VTI1A: variants seen among roughly 807,000 people sequenced by gnomAD.
VTI1A encodes vesicle transport through interaction with t-SNAREs 1A.
In VTI1A, 22 loss-of-function variants were observed where a neutral mutation model predicts 34.9. The ratio of observed to expected loss-of-function variants is 0.63; its 90% CI spans 0.45 to 0.90. VTI1A has a LOEUF of 0.90. Among genes scored for constraint, VTI1A ranks in the 40% least tolerant of loss-of-function variants. The pLI is 0.00. For synonymous variants in VTI1A, 87 were observed against 97.3 expected (o/e 0.89, Z 0.62); for missense variants, 268 against 275.6 (o/e 0.97, Z 0.20).
At chr10:112,827,261 C>T in the VTI1A span, 2 of 151,916 alleles carry the variant, frequency 1.3e-5, no homozygotes, top group Non-Finnish European at 2.9e-5. Context: ...GCTCCTTCCC[C>T]GAGGAATTGC....
At chr10:112,617,480 G>A (rs979563716) in intron 5 of VTI1A, among the ~76,000 whole-genome samples, 16 of 151,972 alleles carry the variant, frequency 1.1e-4, no homozygotes, top group Non-Finnish European at 2.1e-4. Context: ...AAAATTATAA[G>A]ATTTACATTT....
At chr10:112,547,177 G>A (rs1357202802) in intron 5 of VTI1A, among the ~76,000 whole-genome samples, 1 of 152,200 alleles carries the variant, frequency 6.6e-6, no homozygotes, top group East Asian at 1.9e-4. Context: ...CTACTTGGGA[G>A]GCTGAGGTGG....
chr10:112,687,798 C>T (rs1004207704), intron 7 of VTI1A, among the ~76,000 whole-genome samples: 1 of 152,026 alleles, frequency 6.6e-6, no homozygotes, highest in Non-Finnish European at 1.5e-5. Context: ...ATTTCATCAG[C>T]ATGACTAAAG....
chr10:112,812,732 C>T (rs969647510), intron 7 of VTI1A, among the ~76,000 whole-genome samples: 2 of 152,198 alleles, frequency 1.3e-5, no homozygotes, highest in Non-Finnish European at 2.9e-5. Context: ...TCCCAAATGT[C>T]TGCCAGCATT....
chr10:112,816,919 G>A lies in VTI1A; in HGVS notation c.*1536G>A, dbSNP rs1590212921. The A allele has an allele frequency of 4.3e-6, 1 of 230,890 alleles. No homozygotes were observed. Among genetic ancestry groups the A allele is most frequent in the East Asian group, 6.2e-5 (1 of 16,212 alleles). 14.3% of individuals were successfully genotyped at this position (230,890 alleles called of 1,614,324 possible). A position where few individuals can be genotyped will look rare whatever the true frequency, so the allele number is the denominator to read the frequency against. On this transcript the variant is annotated 3_prime_UTR_variant, in exon 8 of 8. Transcript: ENST00000393077. ...TCGAAACAGGCCAAGGCCTGCATGT[G>A]TTCGGATAAATCATTTAGTATTGTG...
At chr10:112,504,454 C>T (rs1234890735) in intron 3 of VTI1A, among the ~76,000 whole-genome samples, 1 of 152,032 alleles carries the variant, frequency 6.6e-6, no homozygotes, top group South Asian at 2.1e-4. Flanking sequence ...CTTTTACAGT[C>T]GATGTTGGAG....
At chr10:112,673,829 C>T (rs1378374977) in intron 7 of VTI1A, among the ~76,000 whole-genome samples, 2 of 152,256 alleles carry the variant, frequency 1.3e-5, no homozygotes, top group African/African-American at 4.8e-5. Context: ...GTAAATAGAC[C>T]AGGAATGCCA....
intron 5 of VTI1A, among the ~76,000 whole-genome samples, chr10:112,588,447 A>T (rs1844248032): frequency 6.6e-6 from 1 of 152,354 alleles, no homozygotes; most frequent in East Asian, 1.9e-4. Context: ...TACTTGTTGA[A>T]TATTTGAAGT....
chr10:112,548,635 C>A, intron 5 of VTI1A: 1 of 1,057,054 alleles, frequency 9.5e-7, no homozygotes, highest in East Asian at 2.4e-5. Context: ...TTCATTTAGC[C>A]TTCTGAGCTT....
At chr10:112,855,210 G>A in the VTI1A span, among the ~76,000 whole-genome samples, 4 of 152,138 alleles carry the variant, frequency 2.6e-5, no homozygotes, top group African/African-American at 9.7e-5. Flanking sequence ...CAGGCCCAAT[G>A]ACCAGAGAAT....
chr10:112,611,416 G>T (rs140700811), intron 5 of VTI1A, among the ~76,000 whole-genome samples: 92 of 152,274 alleles, frequency 6.0e-4, no homozygotes, highest in African/African-American at 2.2e-3. Context: ...TTCCAATACG[G>T]CAGTTCCTTA....
rs146822241 is a variant in VTI1A at position 112,474,257 on chromosome 10, A to G, written c.264+9600A>G. Among the ~76,000 whole-genome samples, 900 of 151,782 alleles carry G rather than the reference A, an allele frequency of 5.9e-3. 5 individuals carry two copies. Among genetic ancestry groups the G allele is most frequent in the South Asian group, 0.027 (129 of 4,796 alleles). ...TTTTTTTGTATTTTTAGTAGAGACG[A>G]GGTTTCACTGTGGTCTCGATCTCCT... On this transcript the variant is annotated intron_variant, in intron 3 of 7. Transcript: ENST00000393077.
chr10:112,852,369 C>T, the VTI1A span, among the ~76,000 whole-genome samples: 1 of 152,204 alleles, frequency 6.6e-6, no homozygotes, highest in Non-Finnish European at 1.5e-5. Flanking sequence ...GCCCTCCCCA[C>T]TTCTCCATGG....
At chr10:112,612,704 A>T (rs78760643) in intron 5 of VTI1A, among the ~76,000 whole-genome samples, 1,881 of 152,298 alleles carry the variant, frequency 0.012, 48 homozygotes, top group African/African-American at 0.041. Context: ...GATTATAGGC[A>T]TGAGCCACCA....
Position 112,447,259 on chromosome 10 carries a change from C to G in VTI1A, c.-115C>G. The stretch of plus-strand genomic sequence containing the variant: ...GGGTTGAGAGCTGTCCCCGGTTCTC[C>G]GTTCTGCTCTCGGGGGCACCTTCCG... On this transcript the variant is annotated 5_prime_UTR_variant, in exon 1 of 8. Transcript: ENST00000393077. 3.6e-6 allele frequency: 4 copies of G among 1,119,570 alleles called. No homozygotes were observed. 69.4% of individuals were successfully genotyped at this position (1,119,570 alleles called of 1,614,324 possible).
rs139243793 is a variant in VTI1A, at chr10:112,778,335, G to T, written c.561-36955G>T. On this transcript the variant is annotated intron_variant, in intron 7 of 7. Transcript: ENST00000393077. ...CCGGTGACTCTGAGCACTGGTGGAA[G>T]TTCTTCTGCCAAGACCATTCACCAT... is the stretch of plus-strand genomic sequence containing the variant. Among the ~76,000 whole-genome samples the T allele has an allele frequency of 3.2e-4, 49 of 152,300 alleles. No individual in the cohort carries two copies. The East Asian group carries it at 7.9e-3, about 25-fold the overall frequency.
At chr10:112,544,176 C>T (rs970258254) in intron 5 of VTI1A, among the ~76,000 whole-genome samples, 1 of 152,026 alleles carries the variant, frequency 6.6e-6, no homozygotes, top group African/African-American at 2.4e-5. Context: ...TTTTTTGGTT[C>T]CATATGAACT....
intron 7 of VTI1A, among the ~76,000 whole-genome samples, chr10:112,727,725 A>G (rs547763414): frequency 2.0e-5 from 3 of 152,248 alleles, no homozygotes; most frequent in East Asian, 3.9e-4. Context: ...TGGGAAGAAT[A>G]TAATTTACTT....
chr10:112,499,858 G>T (rs1849162857), intron 3 of VTI1A, among the ~76,000 whole-genome samples: 1 of 152,000 alleles, frequency 6.6e-6, no homozygotes, highest in African/African-American at 2.4e-5. Flanking sequence ...CTTCACTGTT[G>T]CTCTCTAAAT....
Sources: gnomAD v4.1 joint callset for allele counts (sites outside exome capture counted in the v4.1 genomes callset) on GRCh38, gnomAD v4.1.1 for gene constraint, MANE v1.5 for transcripts, NCBI Gene and HGNC (gene_info 2026-07-23, HGNC 2026-07-21) for gene names.